Variants in PSD3 observed in about 807,000 individuals in gnomAD.
PSD3 encodes PH and SEC7 domain-containing protein 3.
PSD3 carries 49 observed loss-of-function variants against 105.5 expected under a neutral mutation model. The ratio of observed to expected loss-of-function variants is 0.46; its 90% CI spans 0.37 to 0.59. The LOEUF (loss-of-function observed/expected upper bound fraction) is 0.59, where lower values mean the gene tolerates loss of function less well. PSD3 is among the 20% of genes least tolerant of loss of function. PSD3 has a pLI of 0.00. For synonymous variants in PSD3, 557 were observed against 457.8 expected (o/e 1.22, Z -2.77); for missense variants, 1,561 against 1,263.8 (o/e 1.24, Z -3.57).
intron 1 of PSD3, among the ~76,000 whole-genome samples, chr8:18,943,080 CTG>C (rs973199620): frequency 1.4e-4 from 21 of 152,142 alleles, no homozygotes; most frequent in African/African-American, 4.8e-4. Context: ...GTTTTCCCAG[CTG>C]TGTACATGAG....
At chr8:18,614,395 A>G (rs1465753792) in intron 11 of PSD3, among the ~76,000 whole-genome samples, 1 of 141,374 alleles carries the variant, frequency 7.1e-6, no homozygotes, top group African/African-American at 2.6e-5. Context: ...GCATCATTCA[A>G]CAAATATTAC....
intron 1 of PSD3, among the ~76,000 whole-genome samples, chr8:19,072,888 C>T (rs552976540): frequency 1.3e-5 from 2 of 152,160 alleles, no homozygotes; most frequent in East Asian, 1.9e-4. Context: ...CTCAAGTGAA[C>T]GTGAAAATGC....
At chr8:18,731,124 C>T (rs1385178815) in intron 9 of PSD3, among the ~76,000 whole-genome samples, 3 of 66,468 alleles carry the variant, frequency 4.5e-5, no homozygotes, top group East Asian at 4.9e-4. Flanking sequence ...GACGTGGGGG[C>T]GGGCAGCTGA....
chr8:18,648,167 C>A (rs1808195467), intron 10 of PSD3, among the ~76,000 whole-genome samples: 1 of 152,170 alleles, frequency 6.6e-6, no homozygotes, highest in African/African-American at 2.4e-5. Context: ...ACTTTGGGAA[C>A]TGGGTAATGG....
At chr8:18,886,368 G>A (rs1818451766) in intron 2 of PSD3, among the ~76,000 whole-genome samples, 2 of 152,122 alleles carry the variant, frequency 1.3e-5, no homozygotes, top group African/African-American at 4.8e-5. Context: ...TCTGATGACT[G>A]GGAATTAAAG....
chr8:19,061,976 C>T (rs549408047), intron 1 of PSD3, among the ~76,000 whole-genome samples: 10 of 152,286 alleles, frequency 6.6e-5, no homozygotes, highest in African/African-American at 2.2e-4. Context: ...AAATTTATTA[C>T]ACCCAATTGT....
rs1799612091 is a variant in PSD3 at position 18,531,045 on chromosome 8, T to C, written c.*4698A>G. Reference sequence around the variant, plus strand: ...CAATCTACACACTGATGCATTTACATACATACAACTATAAATACCCACAAA... The same window carrying C: ...CAATCTACACACTGATGCATTTACACACATACAACTATAAATACCCACAAA... On this transcript the variant is annotated 3_prime_UTR_variant, in exon 16 of 16. Coordinates refer to ENST00000327040, the MANE Select transcript of PSD3 (RefSeq NM_015310.4). 2 of 152,362 alleles carry C rather than the reference T, an allele frequency of 1.3e-5. No individual in the cohort carries two copies. The highest frequency in any genetic ancestry group is 3.9e-4 in the East Asian group (2 of 5,188). The allele number at this position is 152,362 out of a possible 1,614,324, so 9.4% of individuals were successfully genotyped here.
At chr8:18,968,457 T>A (rs1404012069) in intron 1 of PSD3, among the ~76,000 whole-genome samples, 2 of 152,244 alleles carry the variant, frequency 1.3e-5, no homozygotes, top group Non-Finnish European at 2.9e-5. Flanking sequence ...GGAATTCCTA[T>A]TCTGAAAGAA....
intron 9 of PSD3, among the ~76,000 whole-genome samples, chr8:18,751,134 C>T (rs1256366307): frequency 6.6e-6 from 1 of 152,142 alleles, no homozygotes; most frequent in South Asian, 2.1e-4. Flanking sequence ...CAGGAACCCA[C>T]GGAGGCGGGG....
intron 4 of PSD3, among the ~76,000 whole-genome samples, chr8:18,842,646 T>C (rs1475316487): frequency 6.6e-6 from 1 of 151,764 alleles, no homozygotes; most frequent in Non-Finnish European, 1.5e-5. Flanking sequence ...GGCAGGAGAA[T>C]GGCGTGAACC....
intron 9 of PSD3, among the ~76,000 whole-genome samples, chr8:18,752,314 C>T (rs920497381): frequency 2.0e-5 from 3 of 148,782 alleles, no homozygotes; most frequent in African/African-American, 7.5e-5. Context: ...TGTTGAGTAT[C>T]TGATCTGTTC....
At chr8:18,746,918 G>C (rs1022147122) in intron 9 of PSD3, among the ~76,000 whole-genome samples, 1 of 152,230 alleles carries the variant, frequency 6.6e-6, no homozygotes. Flanking sequence ...CACATTCAGT[G>C]AGGACTGAAA....
At chr8:18,699,974 A>T (rs866696462) in intron 9 of PSD3, among the ~76,000 whole-genome samples, 33 of 152,304 alleles carry the variant, frequency 2.2e-4, no homozygotes, top group African/African-American at 7.9e-4. Context: ...TCTCAACTAT[A>T]AATTCTACCC....
At chr8:18,756,324 T>C (rs1806041942) in intron 9 of PSD3, among the ~76,000 whole-genome samples, 1 of 152,204 alleles carries the variant, frequency 6.6e-6, no homozygotes, top group Non-Finnish European at 1.5e-5. Context: ...TTTTCCTTTA[T>C]AAAAAGTTCA....
intron 1 of PSD3, among the ~76,000 whole-genome samples, chr8:18,943,676 A>T (rs974460005): frequency 2.6e-5 from 4 of 152,126 alleles, no homozygotes; most frequent in Non-Finnish European, 1.5e-5. Context: ...CCCTGCCTCC[A>T]CTACACTGGG....
intron 9 of PSD3, among the ~76,000 whole-genome samples, chr8:18,747,986 T>C (rs73670007): frequency 0.031 from 4,659 of 152,174 alleles, 242 homozygotes; most frequent in African/African-American, 0.11. Flanking sequence ...AGTCTTCGTA[T>C]GTACTAGAAG....
intron 8 of PSD3, among the ~76,000 whole-genome samples, chr8:18,780,289 T>G (rs1808480397): frequency 1.3e-5 from 2 of 152,196 alleles, no homozygotes; most frequent in Non-Finnish European, 2.9e-5. Flanking sequence ...CCCTTCACTT[T>G]GAGTCTACGT....
intron 2 of PSD3, among the ~76,000 whole-genome samples, chr8:18,877,547 T>A (rs1016026886): frequency 6.6e-6 from 1 of 151,578 alleles, no homozygotes; most frequent in African/African-American, 2.4e-5. Context: ...ATCTTTTTTT[T>A]TTTTTTTTCT....
intron 4 of PSD3, among the ~76,000 whole-genome samples, chr8:18,823,098 G>A (rs1314628229): frequency 2.2e-5 from 3 of 139,306 alleles, no homozygotes; most frequent in African/African-American, 5.3e-5. Flanking sequence ...GGAGAGACAG[G>A]AAAAAAAAAA....
Sources: gnomAD v4.1 joint callset for allele counts (sites outside exome capture counted in the v4.1 genomes callset) on GRCh38, gnomAD v4.1.1 for gene constraint, MANE v1.5 for transcripts, NCBI Gene and HGNC (gene_info 2026-07-23, HGNC 2026-07-21) for gene names.